The following WWOX variants were observed in gnomAD, a reference collection of about 807,000 sequenced individuals.
WWOX encodes WW domain-containing oxidoreductase.
WWOX carries 69 observed loss-of-function variants against 46.2 expected under a neutral mutation model. The observed-to-expected ratio is 1.49, with a 90% CI of 1.23 to 1.82. The LOEUF (loss-of-function observed/expected upper bound fraction) is 1.82. Ranked by LOEUF, WWOX falls within the 40% of genes most tolerant of loss-of-function variation. The pLI is 0.00. For synonymous variants in WWOX, 359 were observed against 202.6 expected, an observed-to-expected ratio of 1.77 and a Z score of -6.56; for missense variants, 919 against 542.6, an observed-to-expected ratio of 1.69 and a Z score of -6.89.
At chr16:78,625,526 A>T (rs1056193604) in intron 8 of WWOX, among the ~76,000 whole-genome samples, 4 of 152,160 alleles carry the variant, frequency 2.6e-5, no homozygotes. Context: ...TGTAGTACCA[A>T]GTTCCCATGT....
At chr16:78,796,184 C>T (rs146499093) in intron 8 of WWOX, among the ~76,000 whole-genome samples, 3 of 152,168 alleles carry the variant, frequency 2.0e-5, no homozygotes, top group Admixed American at 1.3e-4. Flanking sequence ...ACTGTTAACT[C>T]CTAGAACTGT....
In WWOX at chr16:79,037,989, G is replaced by T. The variant is rs141618156; in HGVS notation, c.1057-173619G>T. Among the ~76,000 whole-genome samples the T allele has an allele frequency of 3.3e-4, 50 of 152,042 alleles. 2 individuals are homozygous for T. Among genetic ancestry groups the T allele is most frequent in the Non-Finnish European group, 1.8e-4 (12 of 67,988 alleles). On this transcript the variant is annotated intron_variant, in intron 8 of 8. Transcript: ENST00000566780. ...TCCCCTACATAACCAGAAAAAGCTC[G>T]TTAACACATGATGGCAACCAGGCTC... is the stretch of plus-strand genomic sequence containing the variant.
intron 8 of WWOX, among the ~76,000 whole-genome samples, chr16:78,829,877 G>A (rs1164885771): frequency 6.6e-6 from 1 of 152,114 alleles, no homozygotes; most frequent in South Asian, 2.1e-4. Flanking sequence ...AAGCTGTTGA[G>A]CACCAGAGCA....
chr16:78,591,815 C>G (rs943099271), intron 8 of WWOX, among the ~76,000 whole-genome samples: 3 of 152,116 alleles, frequency 2.0e-5, no homozygotes, highest in Admixed American at 6.6e-5. Flanking sequence ...TAGCTGGTGA[C>G]AAAACTCAAA....
intron 8 of WWOX, among the ~76,000 whole-genome samples, chr16:78,778,928 C>G (rs1405588845): frequency 6.6e-6 from 1 of 152,196 alleles, no homozygotes; most frequent in Middle Eastern, 3.4e-3. Context: ...GGATGTCGCC[C>G]CTTGTTCACC....
intron 8 of WWOX, among the ~76,000 whole-genome samples, chr16:78,920,159 A>G (rs2045346384): frequency 6.6e-6 from 1 of 152,090 alleles, no homozygotes; most frequent in Non-Finnish European, 1.5e-5. Flanking sequence ...GGTCTTCTCC[A>G]TGCCAGGATC....
chr16:78,441,109 A>G (rs1414739107), intron 8 of WWOX, among the ~76,000 whole-genome samples: 1 of 151,714 alleles, frequency 6.6e-6, no homozygotes, highest in African/African-American at 2.4e-5. Context: ...CGCACGGCTG[A>G]TGTTTGTATT....
chr16:78,184,733 G>A (rs534976192), intron 5 of WWOX, among the ~76,000 whole-genome samples: 47 of 152,246 alleles, frequency 3.1e-4, no homozygotes, highest in South Asian at 8.3e-4. Flanking sequence ...TGCAACCACC[G>A]TAAAAGCAAG....
chr16:78,706,396 C>T (rs1260054079), intron 8 of WWOX, among the ~76,000 whole-genome samples: 1 of 152,144 alleles, frequency 6.6e-6, no homozygotes, highest in South Asian at 2.1e-4. Flanking sequence ...AGGAATCTCT[C>T]TGGGGGCATC....
chr16:79,128,246 C>A (rs898929657), intron 8 of WWOX, among the ~76,000 whole-genome samples: 1 of 152,138 alleles, frequency 6.6e-6, no homozygotes, highest in Non-Finnish European at 1.5e-5. Context: ...TACTCCTGAT[C>A]CCATTGGAGA....
chr16:78,908,234 G>T (rs2045017121), intron 8 of WWOX, among the ~76,000 whole-genome samples: 1 of 152,046 alleles, frequency 6.6e-6, no homozygotes, highest in African/African-American at 2.4e-5. Context: ...AAGACAGGGG[G>T]ATTGCCATAA....
At position 78,478,985 on chromosome 16, in the gene WWOX, C is replaced by G. The variant is rs115930034; in HGVS notation, c.1056+46233C>G. 3.9e-3 allele frequency among the ~76,000 whole-genome samples: 600 copies of G among 152,120 alleles called. 2 individuals are homozygous for G. Among genetic ancestry groups the G allele is most frequent in the African/African-American group, 0.014 (585 of 41,510 alleles). ...TTGTCATTCTGTAGAAGTTGATAAT[C>G]TGTATTATGATCAACAAGGCATATT... On this transcript the variant is annotated intron_variant, in intron 8 of 8. Transcript: ENST00000566780.
At chr16:78,680,693 G>T (rs2047709059) in intron 8 of WWOX, among the ~76,000 whole-genome samples, 2 of 152,178 alleles carry the variant, frequency 1.3e-5, no homozygotes, top group Admixed American at 1.3e-4. Flanking sequence ...ACATCTAGTG[G>T]CTCCCACTGT....
intron 8 of WWOX, among the ~76,000 whole-genome samples, chr16:78,998,967 A>C (rs1009922960): frequency 2.6e-5 from 4 of 152,240 alleles, no homozygotes; most frequent in African/African-American, 7.2e-5. Context: ...GTGTTGACAG[A>C]TTCCAGGAAA....
intron 5 of WWOX, among the ~76,000 whole-genome samples, chr16:78,374,527 A>ATTT (rs541225697): frequency 9.9e-5 from 7 of 70,898 alleles, no homozygotes; most frequent in Admixed American, 1.6e-4. Context: ...TCTGTCTTGA[A>ATTT]TTTTTTTTTT....
rs75463488 is a variant in WWOX at position 78,491,867 on chromosome 16, A to C, written c.1056+59115A>C. 4.0e-3 allele frequency among the ~76,000 whole-genome samples: 603 copies of C among 152,252 alleles called. 2 individuals carry two copies. The highest frequency in any genetic ancestry group is 0.014 in the African/African-American group (588 of 41,540). On this transcript the variant is annotated intron_variant, in intron 8 of 8. Coordinates refer to ENST00000566780, the MANE Select transcript of WWOX (RefSeq NM_016373.4). The stretch of plus-strand genomic sequence containing the variant: ...CCAGTGGCCCAAGACTCCCCTTTAC[A>C]CATTGCCGTTCCCTTGCCTTCTACT...
chr16:78,257,604 G>A (rs78612110), intron 5 of WWOX, among the ~76,000 whole-genome samples: 15,998 of 152,094 alleles, frequency 0.11, 1,030 homozygotes, highest in Admixed American at 0.14. Context: ...CTGCAACCAC[G>A]CAATTAAAAC....
intron 4 of WWOX, among the ~76,000 whole-genome samples, chr16:78,152,846 G>T (rs2034465277): frequency 6.6e-6 from 1 of 152,196 alleles, no homozygotes; most frequent in Non-Finnish European, 1.5e-5. Flanking sequence ...ATGCCGCCTG[G>T]TGTATTTTAA....
At chr16:78,114,220 C>A (rs956772152) in intron 3 of WWOX, among the ~76,000 whole-genome samples, 1 of 151,740 alleles carries the variant, frequency 6.6e-6, no homozygotes, top group African/African-American at 2.4e-5. Flanking sequence ...CCTACCTCAG[C>A]CTCCCAAGTA....
Sources: allele counts gnomAD v4.1 joint callset (sites outside exome capture counted in the v4.1 genomes callset), GRCh38; gene constraint gnomAD v4.1.1; transcripts MANE v1.5; gene names NCBI Gene and HGNC (gene_info 2026-07-23, HGNC 2026-07-21).